Variants in CDC45 observed in about 807,000 individuals in gnomAD.
CDC45 encodes the protein cell division cycle 45.
Under a neutral mutation model 77.8 loss-of-function variants are expected in CDC45, and 54 were observed. The ratio of observed to expected loss-of-function variants is 0.69; its 90% CI spans 0.56 to 0.87. The LOEUF is 0.87. CDC45 is among the 40% of genes least tolerant of loss of function. The probability of loss-of-function intolerance (pLI) is 0.00; values close to 1 mark genes in which losing one functional copy is unlikely to be tolerated. For missense variants in CDC45, 649 were observed against 721.6 expected (o/e 0.90, Z 1.15); for synonymous variants, 260 against 272.1 (o/e 0.96, Z 0.44).
In CDC45 at chr22:19,514,793, A is replaced by C. The variant is rs756821468; in HGVS notation, c.1262A>C (p.Lys421Thr). ...TACCATGGCCTGGAACTCGCCAAGA[A>C]GCAGCTGCGAGCCACCCAGCAGACC... is the stretch of plus-strand genomic sequence containing the variant. The part of the protein sequence containing the change: ...KLYHGLELAK[K>T]QLRATQQTIA... The change falls in exon 14 of 19, where the codon AAG (lysine) becomes ACG (threonine). Residue 421 changes from lysine (K) to threonine (T), a missense_variant. Lys to Thr is a moderately conservative substitution (Grantham distance 78). Coordinates refer to ENST00000263201, the MANE Select transcript of CDC45 (RefSeq NM_003504.5). 14 of 1,614,024 alleles carry C rather than the reference A, an allele frequency of 8.7e-6. No individual in the cohort carries two copies. The highest frequency in any genetic ancestry group is 1.2e-5 in the Non-Finnish European group (14 of 1,179,960).
chr22:19,516,500 G>A, intron 15 of CDC45, 27 bp from the exon 16 acceptor site: 6 of 1,583,672 alleles, frequency 3.8e-6, no homozygotes, highest in Non-Finnish European at 5.2e-6. Flanking sequence ...ACCATACCCT[G>A]ACGGAGGGTG....
At chr22:19,507,692 C>G in intron 11 of CDC45, 74 bp from the exon 12 acceptor site, 1 of 1,399,788 alleles carries the variant, frequency 7.1e-7, no homozygotes, top group Non-Finnish European at 9.9e-7. Flanking sequence ...CTCGCTTGCC[C>G]TTGGTTTGGG....
intron 10 of CDC45, among the ~76,000 whole-genome samples, chr22:19,506,033 G>A (rs184249241): frequency 6.6e-6 from 1 of 152,182 alleles, no homozygotes; most frequent in Non-Finnish European, 1.5e-5. Context: ...GTTTGAGTCA[G>A]GGTTTTTAAA....
chr22:19,482,544 G>A, intron 3 of CDC45, 146 bp from the exon 4 acceptor site: 2 of 771,596 alleles, frequency 2.6e-6, no homozygotes, highest in South Asian at 3.9e-5. Flanking sequence ...ATGCCAGCCT[G>A]GCCATTTTTT....
intron 3 of CDC45, among the ~76,000 whole-genome samples, chr22:19,481,703 G>A (rs567703828): frequency 2.6e-4 from 39 of 152,014 alleles, no homozygotes; most frequent in African/African-American, 9.4e-4. Context: ...ACGGAACCTC[G>A]CTTTGTCACT....
chr22:19,487,865 T>C (rs1290198751), intron 5 of CDC45, among the ~76,000 whole-genome samples: 1 of 119,712 alleles, frequency 8.4e-6, no homozygotes, highest in Non-Finnish European at 1.6e-5. Flanking sequence ...TGAGCTGAGA[T>C]CCACCACTGC....
intron 8 of CDC45, 21 bp downstream of exon 8, chr22:19,497,468 C>A (rs764657158): frequency 1.1e-4 from 175 of 1,608,408 alleles, no homozygotes; most frequent in Middle Eastern, 1.6e-4. Flanking sequence ...CCTGCGGCAG[C>A]TGTGTGGGAG....
chr22:19,493,234 T>TTTTG lies in CDC45; in HGVS notation c.487-1090_487-1089insGTTT, dbSNP rs1568919481. On this transcript the variant is annotated intron_variant, in intron 5 of 18. Coordinates refer to ENST00000263201, the MANE Select transcript of CDC45 (RefSeq NM_003504.5). ...ACAGAGCAGCTTTTGTGGGTTTTTT[T>TTTTG]TTTTGTTGTTTTGTTTTGTTTTGTT... Among the ~76,000 whole-genome samples the TTTTG allele has an allele frequency of 2.9e-3, 392 of 135,662 alleles. 3 individuals are homozygous for TTTTG. Among genetic ancestry groups the TTTTG allele is most frequent in the African/African-American group, 0.011 (356 of 31,546 alleles). The allele number at this position is 135,662 out of a possible 152,430, so 89.0% of individuals were successfully genotyped here.
At chr22:19,488,784 G>A (rs1399467454) in intron 5 of CDC45, among the ~76,000 whole-genome samples, 2 of 152,088 alleles carry the variant, frequency 1.3e-5, no homozygotes, top group Non-Finnish European at 2.9e-5. Context: ...TCCTCACCAG[G>A]ACCATGGCTT....
At position 19,508,635 on chromosome 22, in the gene CDC45, C is replaced by G. The variant is rs1264745533; in HGVS notation, c.1161C>G (p.Pro387=). The change falls in exon 13 of 19, where the codon CCC becomes CCG. Residue 387 remains proline, a synonymous_variant. Transcript: ENST00000263201. ...CCACCATGTCTTTGATGGAGAGCCC[C>G]GAGAAGGATGGCTCAGGGACAGATC... ...VFATMSLMES[P]EKDGSGTDHF... is the part of the protein sequence containing the mutation. 2 of 1,614,068 alleles carry G rather than the reference C, an allele frequency of 1.2e-6. No individual in the cohort carries two copies. Among genetic ancestry groups the G allele is most frequent in the South Asian group, 1.1e-5 (1 of 91,090 alleles).
At chr22:19,502,133 CAA>C (rs1034191254) in intron 9 of CDC45, among the ~76,000 whole-genome samples, 6 of 152,168 alleles carry the variant, frequency 3.9e-5, no homozygotes, top group African/African-American at 1.4e-4. Context: ...ATTAAACCAA[CAA>C]TATTCATCTT....
chr22:19,507,669 G>A (rs1933274240), intron 11 of CDC45, 97 bp from the exon 12 acceptor site: 27 of 1,341,718 alleles, frequency 2.0e-5, no homozygotes, highest in Non-Finnish European at 2.7e-5. Flanking sequence ...CTGAATGCTG[G>A]TGCGGGGACA....
chr22:19,479,891 G>A (rs1009015762), upstream of CDC45: 5 of 1,440,882 alleles, frequency 3.5e-6, no homozygotes, highest in South Asian at 4.6e-5. Flanking sequence ...CGGAGGAGCC[G>A]TGATTTGGCG....
intron 13 of CDC45, among the ~76,000 whole-genome samples, chr22:19,511,620 G>A (rs1192750907): frequency 6.6e-6 from 1 of 152,168 alleles, no homozygotes; most frequent in South Asian, 2.1e-4. Context: ...ATGAACCACC[G>A]TGCCCAGCCT....
intron 17 of CDC45, among the ~76,000 whole-genome samples, chr22:19,517,745 G>GT (rs1225657936): frequency 1.3e-5 from 2 of 152,078 alleles, no homozygotes; most frequent in African/African-American, 4.8e-5. Context: ...TGTCCAAACC[G>GT]TTTCATCTTC....
intron 5 of CDC45, 117 bp from the exon 6 acceptor site, chr22:19,494,210 G>A: frequency 1.2e-6 from 1 of 830,654 alleles, no homozygotes; most frequent in Non-Finnish European, 2.0e-6. Flanking sequence ...GTGTGACCGT[G>A]TTCTCTCTCA....
At chr22:19,491,270 T>C (rs990743803) in intron 5 of CDC45, among the ~76,000 whole-genome samples, 1 of 152,226 alleles carries the variant, frequency 6.6e-6, no homozygotes, top group Non-Finnish European at 1.5e-5. Flanking sequence ...GAAAGCCTAT[T>C]GTATTTACCT....
At chr22:19,507,299 C>T (rs958198206) in intron 10 of CDC45, 87 bp from the exon 11 acceptor site, 57 of 1,512,672 alleles carry the variant, frequency 3.8e-5, no homozygotes, top group Admixed American at 3.5e-5. Flanking sequence ...GAAAGGGCCC[C>T]GCCATCAGAG....
At chr22:19,507,732 C>T in intron 11 of CDC45, 34 bp from the exon 12 acceptor site, 1 of 1,510,532 alleles carries the variant, frequency 6.6e-7, no homozygotes, top group Non-Finnish European at 9.1e-7. Context: ...TGTGTGGTGA[C>T]CTCACTCATG....
Sources: gnomAD v4.1 joint callset for allele counts (sites outside exome capture counted in the v4.1 genomes callset) on GRCh38, gnomAD v4.1.1 for gene constraint, MANE v1.5 for transcripts, NCBI Gene and HGNC (gene_info 2026-07-23, HGNC 2026-07-21) for gene names.